The following UBA52 variants were observed in gnomAD, a reference collection of about 807,000 sequenced individuals.
UBA52 encodes the protein ubiquitin-ribosomal protein eL40 fusion protein.
In UBA52, 1 loss-of-function variant was observed where a neutral mutation model predicts 15.3. The ratio of observed to expected loss-of-function variants is 0.07; its 90% confidence interval spans 0.02 to 0.31. UBA52 has a LOEUF of 0.31. Among genes scored for constraint, UBA52 ranks in the 10% least tolerant of loss-of-function variants. The probability of loss-of-function intolerance (pLI) is 1.00; values close to 1 mark genes in which losing one functional copy is unlikely to be tolerated. For synonymous variants in UBA52, 50 were observed against 58.3 expected, an observed-to-expected ratio of 0.86 and a Z score of 0.65; for missense variants, 87 against 168.0, an observed-to-expected ratio of 0.52 and a Z score of 2.66.
In UBA52 at chr19:18,575,274, G is replaced by T; in HGVS notation, c.*124G>T. The T allele has an allele frequency of 8.2e-7, 1 of 1,214,912 alleles. No individual in the cohort carries two copies. The allele number at this position is 1,214,912 out of a possible 1,614,324, so 75.3% of individuals were successfully genotyped here. A position where few individuals can be genotyped will look rare whatever the true frequency, so the allele number is the denominator to read the frequency against. On this transcript the variant is annotated 3_prime_UTR_variant, in exon 5 of 5. Coordinates refer to ENST00000442744, the MANE Select transcript of UBA52 (RefSeq NM_001033930.3). Reference sequence around the variant, plus strand: ...CCTCATGGCTGATCTGTCCAGGGAGGTGGCTGAAGAGTGGGCATCTCCCTT... The same window carrying T: ...CCTCATGGCTGATCTGTCCAGGGAGTTGGCTGAAGAGTGGGCATCTCCCTT...
upstream of UBA52, chr19:18,567,109 T>C: frequency 6.2e-7 from 1 of 1,613,438 alleles, no homozygotes. Context: ...GGTTAAGCCC[T>C]GTGTGCCTTC....
the UBA52 span, chr19:18,565,343 C>A: frequency 4.8e-6 from 1 of 207,804 alleles, no homozygotes; most frequent in Non-Finnish European, 8.4e-6. Flanking sequence ...CATTCTCCTG[C>A]CTCAGTCTCC....
chr19:18,569,884 A>G (rs941415506), upstream of UBA52, among the ~76,000 whole-genome samples: 3 of 152,062 alleles, frequency 2.0e-5, no homozygotes, highest in African/African-American at 7.2e-5. Context: ...AAATATAAAA[A>G]TTAGCTGGGT....
the UBA52 span, chr19:18,565,326 C>T: frequency 3.3e-3 from 1,710 of 521,940 alleles, 24 homozygotes; most frequent in African/African-American, 0.031. Flanking sequence ...GCTTCCCGGG[C>T]TCACGCCATT....
chr19:18,564,796 A>ACAGTCTTCTGGG, the UBA52 span: 2 of 1,552,618 alleles, frequency 1.3e-6, no homozygotes, highest in South Asian at 1.1e-5. Context: ...CTTGGCATGA[A>ACAGTCTTCTGGG]CAGTCTTCTG....
At chr19:18,571,082 G>C (rs1490128321), upstream of UBA52, among the ~76,000 whole-genome samples, 4 of 151,328 alleles carry the variant, frequency 2.6e-5, no homozygotes. Flanking sequence ...AGGCCAAGGC[G>C]GGCGGATCAC....
At chr19:18,573,863 T>G (rs935454599) in intron 3 of UBA52, 115 bp downstream of exon 3, 12 of 999,688 alleles carry the variant, frequency 1.2e-5, no homozygotes, top group Non-Finnish European at 1.6e-5. Context: ...TTGTTTAAAA[T>G]AATGGGACTG....
Position 18,576,121 on chromosome 19 carries a change from C to T in UBA52, c.*971C>T, listed in dbSNP as rs1417380040. 1 of 152,014 alleles carries T rather than the reference C, an allele frequency of 6.6e-6. No homozygotes were observed. Among genetic ancestry groups the T allele is most frequent in the Non-Finnish European group, 1.5e-5 (1 of 68,052 alleles). 9.4% of individuals were successfully genotyped at this position (152,014 alleles called of 1,614,324 possible). A position where few individuals can be genotyped will look rare whatever the true frequency, so the allele number is the denominator to read the frequency against. ...TCAGTGCTCTGCCCCTGAGCTGTAC[C>T]CTCTCCTATGATAATCACTCTTAAG... On this transcript the variant is annotated 3_prime_UTR_variant, in exon 5 of 5. Coordinates refer to ENST00000442744, the MANE Select transcript of UBA52 (RefSeq NM_001033930.3).
chr19:18,574,968 C>T lies in UBA52; in HGVS notation c.289C>T (p.Arg97Cys), dbSNP rs1042664318. 12 of 1,614,088 alleles carry T rather than the reference C, an allele frequency of 7.4e-6. No individual in the cohort carries two copies. Among genetic ancestry groups the T allele is most frequent in the African/African-American group, 6.7e-5 (5 of 74,940 alleles). ...ATACAACTGCGACAAGATGATCTGCCGCAAGTATGTGTGCTCCGATGCTTG... is the reference window on the plus strand; with the variant it reads ...ATACAACTGCGACAAGATGATCTGCTGCAAGTATGTGTGCTCCGATGCTTG... ...QKYNCDKMIC[R>C]KCYARLHPRA... Residue 97 changes from arginine (R) to cysteine (C), a missense_variant, in exon 4 of 5, where the codon CGC becomes TGC. Transcript: ENST00000442744.
the UBA52 span, chr19:18,565,079 G>A: frequency 6.3e-7 from 1 of 1,584,094 alleles, no homozygotes; most frequent in Non-Finnish European, 8.6e-7. Flanking sequence ...CCCCATCTGA[G>A]CCTCAGTTTC....
chr19:18,572,896 G>C (rs41292109), intron 1 of UBA52: 328 of 1,085,640 alleles, frequency 3.0e-4, no homozygotes, highest in African/African-American at 2.3e-3. Context: ...ATCAGGACCT[G>C]GCTGCCGTGG....
upstream of UBA52, among the ~76,000 whole-genome samples, chr19:18,567,502 T>A (rs1397539256): frequency 6.6e-6 from 1 of 152,160 alleles, no homozygotes; most frequent in Non-Finnish European, 1.5e-5. Flanking sequence ...AGCCCCGACA[T>A]CGTCTCGCCT....
At chr19:18,564,781 A>G in the UBA52 span, 1 of 1,470,562 alleles carries the variant, frequency 6.8e-7, no homozygotes, top group Admixed American at 1.8e-5. Context: ...TGAAGCAGGC[A>G]AGGGCTTGGC....
chr19:18,566,515 G>A, the UBA52 span, among the ~76,000 whole-genome samples: 2 of 151,956 alleles, frequency 1.3e-5, no homozygotes, highest in African/African-American at 2.4e-5. Context: ...GAATGGCTGG[G>A]CACAGTGGCT....
rs1975634510 is a variant in UBA52, at chr19:18,573,830, G to A, written c.190+82G>A. 4.5e-6 allele frequency: 6 copies of A among 1,341,914 alleles called. No individual in the cohort carries two copies. In the Admixed American group the frequency reaches 9.8e-5, roughly 22 times the overall value. 83.1% of individuals were successfully genotyped at this position (1,341,914 alleles called of 1,614,324 possible). The stretch of plus-strand genomic sequence containing the variant: ...AGCATTGATGGCCTCAGGGGTTGGG[G>A]AGCAGTTCAAATGACTTGTGTTTTG... On this transcript the variant is annotated intron_variant, in intron 3 of 4. Transcript: ENST00000442744.
upstream of UBA52, among the ~76,000 whole-genome samples, chr19:18,570,726 T>G (rs41292093): frequency 6.4e-3 from 973 of 151,070 alleles, 10 homozygotes; most frequent in African/African-American, 0.022. Flanking sequence ...TTGCTCTTGT[T>G]GCCCAGGCTG....
At chr19:18,567,253 C>G, upstream of UBA52, 1 of 1,458,286 alleles carries the variant, frequency 6.9e-7, no homozygotes, top group South Asian at 1.1e-5. Context: ...GGAAGGCCAC[C>G]TTGGGGCCTG....
At chr19:18,567,360 G>A (rs2145257824), upstream of UBA52, 5 of 658,758 alleles carry the variant, frequency 7.6e-6, no homozygotes, top group Non-Finnish European at 1.1e-5. Flanking sequence ...AGCTGGCAGA[G>A]TGGGCACTAG....
intron 4 of UBA52, 30 bp downstream of exon 4, chr19:18,575,002 TGG>T (rs1975714802): frequency 3.7e-6 from 6 of 1,614,086 alleles, no homozygotes; most frequent in Middle Eastern, 1.6e-4. Flanking sequence ...TGGGGGGCTG[TGG>T]GGGCTGCCGG....
Sources: allele counts gnomAD v4.1 joint callset (sites outside exome capture counted in the v4.1 genomes callset), GRCh38; gene constraint gnomAD v4.1.1; transcripts MANE v1.5; gene names NCBI Gene and HGNC (gene_info 2026-07-23, HGNC 2026-07-21).